Variants in USP12 observed in about 807,000 individuals in gnomAD.
USP12 encodes ubiquitin carboxyl-terminal hydrolase 12.
USP12 carries 19 observed loss-of-function variants against 45.5 expected under a neutral mutation model. The observed-to-expected ratio is 0.42, with a 90% CI of 0.29 to 0.61. The LOEUF (loss-of-function observed/expected upper bound fraction) is 0.61. Among genes scored for constraint, USP12 ranks in the 20% least tolerant of loss-of-function variants. The probability of loss-of-function intolerance (pLI) is 0.22; values close to 1 mark genes in which losing one functional copy is unlikely to be tolerated. For missense variants in USP12, 242 were observed against 447.7 expected (o/e 0.54, Z 4.15); for synonymous variants, 149 against 148.8 (o/e 1.00, Z -0.01).
At chr13:27,142,104 A>G (rs1019370445) in intron 1 of USP12, among the ~76,000 whole-genome samples, 1 of 152,222 alleles carries the variant, frequency 6.6e-6, no homozygotes, top group Non-Finnish European at 1.5e-5. Flanking sequence ...CCTGGGTGAC[A>G]GAGCGAGACT....
At chr13:27,170,421 G>C (rs566844519) in intron 1 of USP12, 1 of 398,232 alleles carries the variant, frequency 2.5e-6, no homozygotes, top group Non-Finnish European at 4.4e-6. Flanking sequence ...TAGGGCCAGT[G>C]AGGCATGAAA....
intron 3 of USP12, among the ~76,000 whole-genome samples, chr13:27,096,483 T>A (rs951511252): frequency 6.6e-6 from 1 of 152,202 alleles, no homozygotes; most frequent in Non-Finnish European, 1.5e-5. Context: ...ACTGAAATAT[T>A]GGTGGTGCTA....
At chr13:27,128,316 C>G (rs560214544) in intron 1 of USP12, among the ~76,000 whole-genome samples, 1 of 152,164 alleles carries the variant, frequency 6.6e-6, no homozygotes, top group Non-Finnish European at 1.5e-5. Flanking sequence ...CTCTGTCAAG[C>G]CTTCACATTT....
chr13:27,069,519 G>A, intron 8 of USP12, 135 bp from the exon 9 acceptor site: 1 of 666,844 alleles, frequency 1.5e-6, no homozygotes. Flanking sequence ...CAGCTGGCAG[G>A]GCACACCAAA....
intron 1 of USP12, among the ~76,000 whole-genome samples, chr13:27,127,955 C>T (rs185258885): frequency 1.2e-3 from 178 of 152,278 alleles, no homozygotes; most frequent in African/African-American, 4.1e-3. Flanking sequence ...TTCAAAAGTT[C>T]AAACGTCCAC....
chr13:27,083,343 G>T (rs1290775502), intron 6 of USP12, among the ~76,000 whole-genome samples: 1 of 152,204 alleles, frequency 6.6e-6, no homozygotes, highest in Non-Finnish European at 1.5e-5. Context: ...TCAACAGAGG[G>T]TTGCCACAAA....
At chr13:27,169,055 T>C (rs1207946664) in intron 1 of USP12, 1 of 152,182 alleles carries the variant, frequency 6.6e-6, no homozygotes, top group East Asian at 1.9e-4. Context: ...CAGGAAGGAC[T>C]TTGGAAAACT....
chr13:27,078,058 TTC>T (rs1873575467), intron 6 of USP12: 1 of 152,246 alleles, frequency 6.6e-6, no homozygotes, highest in African/African-American at 2.4e-5. Context: ...TAAATTAATT[TTC>T]TATTTAAATT....
At chr13:27,126,148 A>G (rs969569478) in intron 1 of USP12, among the ~76,000 whole-genome samples, 1 of 152,214 alleles carries the variant, frequency 6.6e-6, no homozygotes, top group Non-Finnish European at 1.5e-5. Flanking sequence ...TCGAGCTCTG[A>G]TAACAGACAG....
In USP12 at chr13:27,095,723, C is replaced by G. The variant is rs752970878; in HGVS notation, c.451G>C (p.Gly151Arg). The part of the protein sequence containing the change: ...QEERKQEKQN[G>R]RLPNGNIDNE... ...TCAATATTACCATTAGGTAAACGACCATTTTGTTTTTCCTGCTTTCTCTCT... is the reference window on the plus strand; with the variant it reads ...TCAATATTACCATTAGGTAAACGACGATTTTGTTTTTCCTGCTTTCTCTCT... Residue 151 changes from glycine to arginine, a missense_variant, in exon 4 of 9, where the codon GGT (glycine) becomes CGT (arginine). By Grantham distance (125) the Gly-to-Arg change is moderately radical. Transcript: ENST00000282344. 1.2e-6 allele frequency: 2 copies of G among 1,612,976 alleles called. No homozygotes were observed. Among genetic ancestry groups the G allele is most frequent in the Non-Finnish European group, 1.7e-6 (2 of 1,179,442 alleles).
At chr13:27,073,107 A>G (rs1873319820) in intron 7 of USP12, among the ~76,000 whole-genome samples, 1 of 151,926 alleles carries the variant, frequency 6.6e-6, no homozygotes, top group Non-Finnish European at 1.5e-5. Context: ...GCAGCACCAC[A>G]TGGAGACTGA....
chr13:27,084,169 T>C (rs978554549), intron 6 of USP12, among the ~76,000 whole-genome samples: 23 of 142,390 alleles, frequency 1.6e-4, no homozygotes, highest in Admixed American at 2.8e-4. Flanking sequence ...CATGTTTGCA[T>C]ACACACACAC....
intron 1 of USP12, among the ~76,000 whole-genome samples, chr13:27,138,261 G>A (rs1220605123): frequency 1.3e-5 from 2 of 152,186 alleles, no homozygotes; most frequent in Non-Finnish European, 2.9e-5. Flanking sequence ...AACATACTCC[G>A]AAAGGCTCAG....
chr13:27,109,978 T>C (rs1455668842), intron 2 of USP12, among the ~76,000 whole-genome samples: 1 of 151,160 alleles, frequency 6.6e-6, no homozygotes, highest in Non-Finnish European at 1.5e-5. Context: ...ACCACTGCAT[T>C]GGATGATATT....
chr13:27,069,392 G>A lies in USP12; in HGVS notation c.1012-8C>T, dbSNP rs1196016954. 1 of 1,599,834 alleles carries A rather than the reference G, an allele frequency of 6.3e-7. No individual in the cohort carries two copies. Among genetic ancestry groups the A allele is most frequent in the Admixed American group, 1.7e-5 (1 of 59,982 alleles). On this transcript the variant is annotated splice_polypyrimidine_tract_variant and splice_region_variant and intron_variant, in intron 8 of 8. Coordinates refer to ENST00000282344, the MANE Select transcript of USP12 (RefSeq NM_182488.4). ...AGCTTGTGCATCTATTTTCTGTGAG[G>A]TAAAATGTAAACATTAGTACATAAA... is the stretch of plus-strand genomic sequence containing the variant.
At chr13:27,170,270 C>T (rs916131238) in intron 1 of USP12, 16 of 396,538 alleles carry the variant, frequency 4.0e-5, no homozygotes, top group African/African-American at 2.9e-4. Flanking sequence ...TTGTACTGTT[C>T]CTCAGCGTGT....
chr13:27,150,035 G>A (rs1309586110), intron 1 of USP12, among the ~76,000 whole-genome samples: 2 of 152,218 alleles, frequency 1.3e-5, no homozygotes, highest in East Asian at 3.8e-4. Flanking sequence ...GCACTGCAGG[G>A]TGACTATAAT....
At chr13:27,082,151 CT>C (rs111422121) in intron 6 of USP12, among the ~76,000 whole-genome samples, 7,676 of 152,272 alleles carry the variant, frequency 0.05, 690 homozygotes, top group African/African-American at 0.18. Flanking sequence ...CCTAAACACC[CT>C]CTTTTTCCAA....
chr13:27,093,859 A>C lies in USP12; in HGVS notation c.573+1742T>G, dbSNP rs148097385. On this transcript the variant is annotated intron_variant, in intron 4 of 8. Coordinates refer to ENST00000282344, the MANE Select transcript of USP12 (RefSeq NM_182488.4). ...TGCTCAGCCAAAAATAAAGGAAATA[A>C]GTTATCAAGCCTTAAAAAGACATGG... Among the ~76,000 whole-genome samples, 165 of 152,360 alleles carry C rather than the reference A, an allele frequency of 1.1e-3. 1 individual carries two copies. Among genetic ancestry groups the C allele is most frequent in the African/African-American group, 3.8e-3 (159 of 41,582 alleles).
Sources: gnomAD v4.1 joint callset for allele counts (sites outside exome capture counted in the v4.1 genomes callset) on GRCh38, gnomAD v4.1.1 for gene constraint, MANE v1.5 for transcripts, NCBI Gene and HGNC (gene_info 2026-07-23, HGNC 2026-07-21) for gene names.